Variants in MAGI2 observed in about 807,000 individuals in gnomAD.
MAGI2 encodes membrane associated guanylate kinase, WW and PDZ domain containing 2.
A neutral mutation model predicts 133.3 loss-of-function variants in MAGI2; 35 were observed. The ratio of observed to expected loss-of-function variants is 0.26; its 90% CI spans 0.20 to 0.35. MAGI2 has a LOEUF of 0.35. MAGI2 is among the 10% of genes least tolerant of loss of function. The pLI, the probability that MAGI2 is intolerant of heterozygous loss-of-function variation, is 1.00. For missense variants in MAGI2, 1,636 were observed against 1,863.4 expected, an observed-to-expected ratio of 0.88 and a Z score of 2.25; for synonymous variants, 729 against 710.6, an observed-to-expected ratio of 1.03 and a Z score of -0.41.
intron 10 of MAGI2, among the ~76,000 whole-genome samples, chr7:78,245,551 C>T (rs577357514): frequency 6.6e-6 from 1 of 152,202 alleles, no homozygotes; most frequent in Non-Finnish European, 1.5e-5. Flanking sequence ...AAAGGAGTGG[C>T]AGAAACCCTG....
At chr7:78,888,350 A>G (rs1044993557) in intron 2 of MAGI2, among the ~76,000 whole-genome samples, 2 of 152,178 alleles carry the variant, frequency 1.3e-5, no homozygotes, top group Non-Finnish European at 2.9e-5. Flanking sequence ...GCAGACTTCA[A>G]TGTCCCTGTC....
intron 9 of MAGI2, among the ~76,000 whole-genome samples, chr7:78,288,025 C>T (rs1202371428): frequency 6.6e-6 from 1 of 152,170 alleles, no homozygotes; most frequent in African/African-American, 2.4e-5. Context: ...CCTATAAATA[C>T]TATCATCTTC....
rs1451405377 is a variant in MAGI2, at chr7:79,182,346, A to T, written c.302-175140T>A. ...GAGGAGCAAGTCACATCTTATGTGG[A>T]TGGCAGCAGGAAAAAAGAGAGCCTG... On this transcript the variant is annotated intron_variant, in intron 1 of 21. Transcript: ENST00000354212. Among the ~76,000 whole-genome samples, 3 of 151,984 alleles carry T rather than the reference A, an allele frequency of 2.0e-5. No individual in the cohort carries two copies. The South Asian group carries it at 6.2e-4, about 32-fold the overall frequency.
chr7:78,107,217 C>T (rs1818781212), intron 20 of MAGI2, among the ~76,000 whole-genome samples: 1 of 152,106 alleles, frequency 6.6e-6, no homozygotes, highest in African/African-American at 2.4e-5. Context: ...GTCTATGTGT[C>T]TAGTTTTATG....
chr7:78,926,061 C>T (rs907701111), intron 2 of MAGI2, among the ~76,000 whole-genome samples: 2 of 151,946 alleles, frequency 1.3e-5, no homozygotes, highest in Admixed American at 6.6e-5. Flanking sequence ...CAAATCCAGC[C>T]GAATTTCTAC....
intron 1 of MAGI2, among the ~76,000 whole-genome samples, chr7:79,021,906 T>C (rs888469582): frequency 1.1e-4 from 17 of 152,234 alleles, no homozygotes; most frequent in African/African-American, 3.4e-4. Context: ...TGGGACCAGG[T>C]GGAGATAATT....
chr7:79,315,576 A>G (rs1350763057), intron 1 of MAGI2, among the ~76,000 whole-genome samples: 1 of 152,154 alleles, frequency 6.6e-6, no homozygotes, highest in Non-Finnish European at 1.5e-5. Flanking sequence ...GCATGTTTAC[A>G]AGTTCAAATG....
intron 1 of MAGI2, among the ~76,000 whole-genome samples, chr7:79,263,278 A>T (rs1165543935): frequency 6.6e-6 from 1 of 152,110 alleles, no homozygotes; most frequent in Non-Finnish European, 1.5e-5. Context: ...TTATCATGTA[A>T]TCTTCAACCC....
intron 10 of MAGI2, among the ~76,000 whole-genome samples, chr7:78,212,740 T>A (rs1787890067): frequency 6.6e-6 from 1 of 152,202 alleles, no homozygotes; most frequent in Non-Finnish European, 1.5e-5. Context: ...TGAAACTAGA[T>A]CTCAACTGCT....
At chr7:79,449,837 G>T (rs1229180827) in intron 1 of MAGI2, among the ~76,000 whole-genome samples, 1 of 141,908 alleles carries the variant, frequency 7.0e-6, no homozygotes, top group African/African-American at 2.6e-5. Context: ...AAATTGTTTT[G>T]CAGGTATTTA....
At chr7:78,950,856 T>C (rs1801811742) in intron 2 of MAGI2, among the ~76,000 whole-genome samples, 1 of 152,112 alleles carries the variant, frequency 6.6e-6, no homozygotes, top group Non-Finnish European at 1.5e-5. Flanking sequence ...GAAAAATCTA[T>C]GAATAAATAC....
intron 5 of MAGI2, among the ~76,000 whole-genome samples, chr7:78,494,651 G>A (rs552953763): frequency 3.7e-4 from 56 of 150,634 alleles, no homozygotes; most frequent in Admixed American, 7.9e-4. Flanking sequence ...CTTTTCTTTC[G>A]TTCTTTAATA....
intron 20 of MAGI2, among the ~76,000 whole-genome samples, chr7:78,093,464 AAGTAAGTAATGGC>A (rs1354371759): frequency 6.6e-6 from 1 of 152,194 alleles, no homozygotes; most frequent in African/African-American, 2.4e-5. Context: ...AAAAAAAAAA[AAGTAAGTAATGGC>A]AAAGACCACA....
chr7:79,211,425 C>A (rs1182776077), intron 1 of MAGI2, among the ~76,000 whole-genome samples: 1 of 151,722 alleles, frequency 6.6e-6, no homozygotes, highest in African/African-American at 2.4e-5. Context: ...CTACAGTGCA[C>A]CACTATGTCC....
intron 1 of MAGI2, among the ~76,000 whole-genome samples, chr7:79,325,071 C>A (rs903900694): frequency 6.6e-6 from 1 of 151,918 alleles, no homozygotes; most frequent in Non-Finnish European, 1.5e-5. Context: ...CTTATTTTCC[C>A]TTCCTAATTA....
intron 1 of MAGI2, among the ~76,000 whole-genome samples, chr7:79,166,668 C>G (rs1340056119): frequency 6.6e-6 from 1 of 151,988 alleles, no homozygotes; most frequent in East Asian, 1.9e-4. Context: ...ACAAAACAAA[C>G]AAGGTGGGGG....
chr7:78,254,810 G>T lies in MAGI2; in HGVS notation c.2047+1133C>A, dbSNP rs112861202. 3.3e-5 allele frequency: 5 copies of T among 152,236 alleles called. No homozygotes were observed. In the East Asian group the frequency reaches 7.7e-4, roughly 24 times the overall value. The allele number at this position is 152,236 out of a possible 1,614,324, so 9.4% of individuals were successfully genotyped here. On this transcript the variant is annotated intron_variant, in intron 10 of 21. Coordinates refer to ENST00000354212, the MANE Select transcript of MAGI2 (RefSeq NM_012301.4). ...ATAGGCAACCACATGTTTGTCACAC[G>T]TGTGTCCTTCATGCATGAGTTCCTC...
chr7:78,019,448 G>C lies in MAGI2; in HGVS notation c.4235C>G (p.Pro1412Arg). ...AEGRAGARAGPRPGPRPPGGA... is the reference protein window; with the variant it reads ...AEGRAGARAGRRPGPRPPGGA... ...CCCCGGGGGTCGCGGGCCCGGCCGG[G>C]GACCCGCGCGCGCACCCGCCCTGCC... Residue 1412 changes from proline (P) to arginine (R), a missense_variant, in exon 22 of 22, where the codon CCC becomes CGC. By Grantham distance (103) the Pro-to-Arg change is moderately radical (BLOSUM62 -2). Around this residue, in one of 5 missense-constraint regions of MAGI2, gnomAD observed 354 missense variants for 298.7 expected, o/e 1.19. Coordinates refer to ENST00000354212, the MANE Select transcript of MAGI2 (RefSeq NM_012301.4). 1.0e-6 allele frequency: 1 copy of C among 984,754 alleles called. No individual in the cohort carries two copies. The highest frequency in any genetic ancestry group is 1.2e-6 in the Non-Finnish European group (1 of 831,328). The allele number at this position is 984,754 out of a possible 1,614,324, so 61.0% of individuals were successfully genotyped here. A position where few individuals can be genotyped will look rare whatever the true frequency, so the allele number is the denominator to read the frequency against.
At chr7:79,020,587 A>G (rs971284250) in intron 1 of MAGI2, among the ~76,000 whole-genome samples, 2 of 152,064 alleles carry the variant, frequency 1.3e-5, no homozygotes, top group Non-Finnish European at 2.9e-5. Context: ...TAACATGGTG[A>G]AACCCCATCT....
Sources: allele counts gnomAD v4.1 joint callset (sites outside exome capture counted in the v4.1 genomes callset), GRCh38; gene constraint gnomAD v4.1.1; regional missense constraint gnomAD v4.1.1; transcripts MANE v1.5; gene names NCBI Gene and HGNC (gene_info 2026-07-23, HGNC 2026-07-21).